Variants in CAMK1D observed in about 807,000 individuals in gnomAD.
CAMK1D encodes the protein calcium/calmodulin dependent protein kinase ID.
Under a neutral mutation model 47.7 loss-of-function variants are expected in CAMK1D, and 9 were observed. The ratio of observed to expected loss-of-function variants is 0.19; its 90% CI spans 0.11 to 0.33. The LOEUF (loss-of-function observed/expected upper bound fraction) is 0.33. Among genes scored for constraint, CAMK1D ranks in the 10% least tolerant of loss-of-function variants. The probability of loss-of-function intolerance (pLI) is 1.00; values close to 1 mark genes in which losing one functional copy is unlikely to be tolerated. For missense variants in CAMK1D, 291 were observed against 488.7 expected, an observed-to-expected ratio of 0.60 and a Z score of 3.81; for synonymous variants, 184 against 184.9, an observed-to-expected ratio of 0.99 and a Z score of 0.04.
At chr10:12,403,538 C>T (rs1839305034) in intron 1 of CAMK1D, among the ~76,000 whole-genome samples, 1 of 152,102 alleles carries the variant, frequency 6.6e-6, no homozygotes, top group Non-Finnish European at 1.5e-5. Flanking sequence ...AACAGCTATT[C>T]TATAAAGACT....
chr10:12,821,719 A>C (rs896946689), intron 8 of CAMK1D, among the ~76,000 whole-genome samples: 1 of 152,320 alleles, frequency 6.6e-6, no homozygotes, highest in East Asian at 1.9e-4. Flanking sequence ...TCATGCCTGT[A>C]ATCCCAGCAC....
rs1337694410 is a variant in CAMK1D at position 12,537,775 on chromosome 10, A to G, written c.93-15450A>G. ...AATATTGTATTAGTAGGACTTGAAT[A>G]TTTTCCCCTTTCCGCTGAGACTTTT... On this transcript the variant is annotated intron_variant, in intron 1 of 10. Transcript: ENST00000619168. Among the ~76,000 whole-genome samples, 5 of 152,182 alleles carry G rather than the reference A, an allele frequency of 3.3e-5. No homozygotes were observed. In the East Asian group the frequency reaches 9.7e-4, roughly 29 times the overall value.
chr10:12,555,453 T>C (rs561462526), intron 2 of CAMK1D, among the ~76,000 whole-genome samples: 7 of 152,234 alleles, frequency 4.6e-5, no homozygotes, highest in Non-Finnish European at 1.0e-4. Context: ...TTCTCTGGAT[T>C]GTCTATTAGG....
chr10:12,356,014 C>T (rs147220856), intron 1 of CAMK1D, among the ~76,000 whole-genome samples: 1,937 of 152,214 alleles, frequency 0.013, 14 homozygotes, highest in Non-Finnish European at 0.019. Flanking sequence ...GTAGACTCTT[C>T]CGGTCAAAGG....
chr10:12,454,986 G>A (rs1353860740), intron 1 of CAMK1D, among the ~76,000 whole-genome samples: 1 of 152,234 alleles, frequency 6.6e-6, no homozygotes, highest in East Asian at 1.9e-4. Flanking sequence ...GGCTGGCCGA[G>A]TACAGTCTGG....
chr10:12,542,031 T>C (rs1836211690), intron 1 of CAMK1D, among the ~76,000 whole-genome samples: 2 of 152,034 alleles, frequency 1.3e-5, no homozygotes, highest in African/African-American at 4.8e-5. Flanking sequence ...TGCACCACCA[T>C]GGCAGGATAA....
intron 1 of CAMK1D, among the ~76,000 whole-genome samples, chr10:12,480,434 CAAAAACA>C (rs1199234675): frequency 4.1e-5 from 6 of 146,664 alleles, no homozygotes; most frequent in East Asian, 2.0e-4. Context: ...GACTCCATCT[CAAAAACA>C]AAAAACAAAA....
intron 2 of CAMK1D, among the ~76,000 whole-genome samples, chr10:12,581,323 A>C (rs537561332): frequency 6.6e-6 from 1 of 152,102 alleles, no homozygotes; most frequent in East Asian, 1.9e-4. Context: ...TATTTTTGCA[A>C]TTGTGAATTG....
chr10:12,648,040 G>A (rs960865099), intron 2 of CAMK1D, among the ~76,000 whole-genome samples: 3 of 152,206 alleles, frequency 2.0e-5, no homozygotes, highest in Admixed American at 6.5e-5. Flanking sequence ...GCCATCTTGC[G>A]AAGAGTCCAA....
chr10:12,764,394 A>ACAAAAAAC (rs923976229), intron 4 of CAMK1D, among the ~76,000 whole-genome samples: 1 of 151,440 alleles, frequency 6.6e-6, no homozygotes, highest in African/African-American at 2.4e-5. Flanking sequence ...AAAAAAAAAA[A>ACAAAAAAC]AAAACATTGA....
At chr10:12,583,600 G>A (rs1476148109) in intron 2 of CAMK1D, among the ~76,000 whole-genome samples, 2 of 138,992 alleles carry the variant, frequency 1.4e-5, no homozygotes, top group South Asian at 2.3e-4. Flanking sequence ...TGTTGTTGTT[G>A]TTTTATTTTT....
chr10:12,354,224 T>C (rs985282645), intron 1 of CAMK1D, among the ~76,000 whole-genome samples: 1 of 152,104 alleles, frequency 6.6e-6, no homozygotes, highest in Non-Finnish European at 1.5e-5. Context: ...GTTGAAGTTG[T>C]TCCTGTCTGT....
intron 8 of CAMK1D, among the ~76,000 whole-genome samples, chr10:12,820,763 C>T (rs1014073636): frequency 2.0e-5 from 3 of 152,222 alleles, no homozygotes; most frequent in African/African-American, 4.8e-5. Flanking sequence ...TGGAGGCAGC[C>T]GGCCTCTTAG....
At chr10:12,439,364 GT>G (rs1255059557) in intron 1 of CAMK1D, among the ~76,000 whole-genome samples, 2 of 152,134 alleles carry the variant, frequency 1.3e-5, no homozygotes, top group African/African-American at 4.8e-5. Flanking sequence ...AGAGCCACGT[GT>G]TTTTCAAAAT....
intron 2 of CAMK1D, among the ~76,000 whole-genome samples, chr10:12,617,017 C>G (rs1838845615): frequency 6.6e-6 from 1 of 152,072 alleles, no homozygotes; most frequent in African/African-American, 2.4e-5. Flanking sequence ...TTTAATATCC[C>G]TGTCTAGTCA....
chr10:12,385,413 C>T (rs1247103340), intron 1 of CAMK1D, among the ~76,000 whole-genome samples: 3 of 152,164 alleles, frequency 2.0e-5, no homozygotes, highest in Non-Finnish European at 4.4e-5. Flanking sequence ...TGATATTTGG[C>T]TGTAAAAATG....
chr10:12,657,197 C>G (rs888175114), intron 2 of CAMK1D, among the ~76,000 whole-genome samples: 25 of 152,106 alleles, frequency 1.6e-4, no homozygotes, highest in African/African-American at 5.6e-4. Context: ...GAGGCCGAGG[C>G]AGGCTGATCA....
chr10:12,493,467 C>A (rs1834448822), intron 1 of CAMK1D, among the ~76,000 whole-genome samples: 1 of 152,140 alleles, frequency 6.6e-6, no homozygotes, highest in South Asian at 2.1e-4. Flanking sequence ...CATGTATACA[C>A]TCATGCCTGC....
At chr10:12,503,026 A>G (rs11814945) in intron 1 of CAMK1D, among the ~76,000 whole-genome samples, 5 of 131,124 alleles carry the variant, frequency 3.8e-5, no homozygotes, top group East Asian at 5.4e-4. Flanking sequence ...GTATATATGC[A>G]TGTGTGTGTG....
Sources: gnomAD v4.1 joint callset for allele counts (sites outside exome capture counted in the v4.1 genomes callset) on GRCh38, gnomAD v4.1.1 for gene constraint, MANE v1.5 for transcripts, NCBI Gene and HGNC (gene_info 2026-07-23, HGNC 2026-07-21) for gene names.